Variants in PLPP7 observed in about 807,000 individuals in gnomAD.
The protein encoded by PLPP7 is phospholipid phosphatase 7 (inactive).
PLPP7 carries 11 observed loss-of-function variants against 16.9 expected under a neutral mutation model. The ratio of observed to expected loss-of-function variants is 0.65; its 90% CI spans 0.41 to 1.08. The LOEUF is 1.08. Ranked by LOEUF, PLPP7 falls within the 50% of genes least tolerant of loss-of-function variation. PLPP7 has a pLI of 0.00. For synonymous variants in PLPP7, 174 were observed against 175.1 expected (o/e 0.99, Z 0.05); for missense variants, 358 against 397.1 (o/e 0.90, Z 0.84).
chr9:131,297,893 A>C lies in PLPP7; in HGVS notation c.451+7445A>C, dbSNP rs144196346. On this transcript the variant is annotated intron_variant, in intron 1 of 1. Transcript: ENST00000372264. The stretch of plus-strand genomic sequence containing the variant: ...CTTACATACATATCTTATTTTATGA[A>C]GATGGCATCCTACTGGAAATCCTAT... 2.2e-3 allele frequency among the ~76,000 whole-genome samples: 333 copies of C among 152,248 alleles called. 1 individual carries two copies. The highest frequency in any genetic ancestry group is 7.7e-3 in the African/African-American group (321 of 41,514).
chr9:131,290,094 C>A lies in PLPP7; in HGVS notation c.97C>A (p.Pro33Thr). The change falls in exon 1 of 2, where the codon CCG becomes ACG. Residue 33 changes from proline (P) to threonine (T), a missense_variant. Physicochemically the swap from Pro to Thr is conservative, Grantham distance 38. Transcript: ENST00000372264. This position sits in a 1 kb window ranked among gnomAD's most constrained non-coding sequence, Gnocchi z 4.2. ...CCTGAACCAGCCCCCCAAGGGGGGC[C>A]CGGAGCCCCGCAGCTCGGGCAGAAA... The part of the protein sequence containing the change: ...LSLNQPPKGG[P>T]EPRSSGRKAS... The A allele has an allele frequency of 2.0e-6, 3 of 1,517,862 alleles. No individual in the cohort carries two copies. The highest frequency in any genetic ancestry group is 1.3e-5 in the South Asian group (1 of 76,720). The allele number at this position is 1,517,862 out of a possible 1,614,324, so 94.0% of individuals were successfully genotyped here. A position where few individuals can be genotyped will look rare whatever the true frequency, so the allele number is the denominator to read the frequency against.
At chr9:131,294,165 G>A (rs1404952333) in intron 1 of PLPP7, among the ~76,000 whole-genome samples, 2 of 152,158 alleles carry the variant, frequency 1.3e-5, no homozygotes, top group African/African-American at 4.8e-5. Context: ...GCCAGAAGGG[G>A]TCTTAGCAGC....
chr9:131,305,125 C>T (rs1835839598), intron 1 of PLPP7, among the ~76,000 whole-genome samples: 1 of 152,226 alleles, frequency 6.6e-6, no homozygotes, highest in African/African-American at 2.4e-5. Context: ...ACCAGCGACT[C>T]CAGTCCTAGG....
intron 1 of PLPP7, among the ~76,000 whole-genome samples, chr9:131,294,602 A>G (rs1229261060): frequency 6.6e-6 from 1 of 152,146 alleles, no homozygotes; most frequent in Non-Finnish European, 1.5e-5. Flanking sequence ...CTGTGGTGGG[A>G]AATGCCTCTG....
chr9:131,294,389 A>G (rs1386313830), intron 1 of PLPP7, among the ~76,000 whole-genome samples: 1 of 152,216 alleles, frequency 6.6e-6, no homozygotes, highest in Non-Finnish European at 1.5e-5. Flanking sequence ...CATCATCATT[A>G]TCACCGTCAT....
intron 1 of PLPP7, among the ~76,000 whole-genome samples, chr9:131,296,763 C>G (rs1588208239): frequency 6.6e-6 from 1 of 152,316 alleles, no homozygotes; most frequent in African/African-American, 2.4e-5. Context: ...AGCTGTGGCC[C>G]TCCCACCTGG....
intron 1 of PLPP7, among the ~76,000 whole-genome samples, chr9:131,294,359 G>T (rs941667249): frequency 2.0e-5 from 3 of 152,154 alleles, no homozygotes; most frequent in African/African-American, 7.2e-5. Flanking sequence ...GTTGGTTAAC[G>T]GTTAAGTAGC....
Position 131,308,443 on chromosome 9 carries a change from C to A in PLPP7, c.*156C>A. 8.4e-7 allele frequency: 1 copy of A among 1,192,006 alleles called. No individual in the cohort carries two copies. Among genetic ancestry groups the A allele is most frequent in the Non-Finnish European group, 1.1e-6 (1 of 878,596 alleles). 73.8% of individuals were successfully genotyped at this position (1,192,006 alleles called of 1,614,324 possible). ...CCCCTCCTGGCTGGAGGCTGGCGAA[C>A]CCAGGCCACCCCTCCCGGAGACAAG... On this transcript the variant is annotated 3_prime_UTR_variant, in exon 2 of 2. Transcript: ENST00000372264.
Position 131,289,990 on chromosome 9 carries a change from A to G in PLPP7, c.-8A>G. 1 of 1,431,376 alleles carries G rather than the reference A, an allele frequency of 7.0e-7. No individual in the cohort carries two copies. The highest frequency in any genetic ancestry group is 9.1e-7 in the Non-Finnish European group (1 of 1,097,454). The allele number at this position is 1,431,376 out of a possible 1,614,324, so 88.7% of individuals were successfully genotyped here. A position where few individuals can be genotyped will look rare whatever the true frequency, so the allele number is the denominator to read the frequency against. Reference sequence around the variant, plus strand: ...GGCATCGGCCTTCTCGGGGTGAGCGAGGTCACCATGCCAGCTTCCCAGAGC... The same window carrying G: ...GGCATCGGCCTTCTCGGGGTGAGCGGGGTCACCATGCCAGCTTCCCAGAGC... On this transcript the variant is annotated 5_prime_UTR_variant, in exon 1 of 2. Coordinates refer to ENST00000372264, the MANE Select transcript of PLPP7 (RefSeq NM_032728.4).
intron 1 of PLPP7, among the ~76,000 whole-genome samples, chr9:131,303,817 G>A (rs1046609273): frequency 5.9e-5 from 9 of 152,128 alleles, no homozygotes; most frequent in African/African-American, 1.9e-4. Context: ...CCTGAGCTTC[G>A]TCTCACAGGT....
chr9:131,305,288 G>A lies in PLPP7; in HGVS notation c.452-2635G>A, dbSNP rs568395339. On this transcript the variant is annotated intron_variant, in intron 1 of 1. Coordinates refer to ENST00000372264, the MANE Select transcript of PLPP7 (RefSeq NM_032728.4). ...ATTGTGGCCGGGCACAGTGGCTCAC[G>A]CCTGGAATCCCAGCACTTTGGGAGG... 7.2e-3 allele frequency among the ~76,000 whole-genome samples: 1,099 copies of A among 152,294 alleles called. 5 individuals carry two copies. Among genetic ancestry groups the A allele is most frequent in the Non-Finnish European group, 0.012 (841 of 68,012 alleles).
At chr9:131,294,793 G>A (rs1194800367) in intron 1 of PLPP7, among the ~76,000 whole-genome samples, 4 of 151,292 alleles carry the variant, frequency 2.6e-5, no homozygotes, top group Admixed American at 6.6e-5. Context: ...ACATGGTTTC[G>A]TTATGTTGGC....
In PLPP7 at chr9:131,308,112, T is replaced by G. The variant is rs1439895136; in HGVS notation, c.641T>G (p.Leu214Arg). Residue 214 changes from leucine to arginine, a missense_variant, in exon 2 of 2, where the codon CTG (leucine) becomes CGG (arginine). Leu to Arg is a moderately radical substitution (Grantham distance 102). Coordinates refer to ENST00000372264, the MANE Select transcript of PLPP7 (RefSeq NM_032728.4). ...AGCCACCTGGTGCTGGCGGTGCCCC[T>G]GCGTGTGCTGCTGGTGCTCTGGGCC... ...FLSHLVLAVP[L>R]RVLLVLWALC... 3 of 1,601,230 alleles carry G rather than the reference T, an allele frequency of 1.9e-6. No individual in the cohort carries two copies. The highest frequency in any genetic ancestry group is 2.7e-5 in the African/African-American group (2 of 74,936).
At chr9:131,296,208 G>A (rs1409463506) in intron 1 of PLPP7, among the ~76,000 whole-genome samples, 3 of 152,052 alleles carry the variant, frequency 2.0e-5, no homozygotes, top group African/African-American at 7.2e-5. Flanking sequence ...GGTATGAGGT[G>A]GTATCTCTTG....
At chr9:131,293,894 G>T (rs563867555) in intron 1 of PLPP7, among the ~76,000 whole-genome samples, 5 of 152,160 alleles carry the variant, frequency 3.3e-5, no homozygotes, top group Non-Finnish European at 7.4e-5. Context: ...CTCTGGCCCC[G>T]TGGCACTCAG....
At position 131,290,975 on chromosome 9, in the gene PLPP7, C is replaced by T. The variant is rs1835668387; in HGVS notation, c.451+527C>T. 3 of 1,014,266 alleles carry T rather than the reference C, an allele frequency of 3.0e-6. No homozygotes were observed. Among genetic ancestry groups the T allele is most frequent in the Non-Finnish European group, 4.2e-6 (3 of 710,006 alleles). 62.8% of individuals were successfully genotyped at this position (1,014,266 alleles called of 1,614,324 possible). On this transcript the variant is annotated intron_variant, in intron 1 of 1. Transcript: ENST00000372264. This position sits in a 1 kb window ranked among gnomAD's most constrained non-coding sequence, Gnocchi z 4.2. ...CAGGGTCTGGGGACCCAGGGAGTTC[C>T]CCTGGGACTGCCACCCACTCACAGC...
At chr9:131,303,808 C>T (rs1835824893) in intron 1 of PLPP7, among the ~76,000 whole-genome samples, 1 of 152,130 alleles carries the variant, frequency 6.6e-6, no homozygotes, top group Non-Finnish European at 1.5e-5. Flanking sequence ...GTGGGTGTCC[C>T]TGAGCTTCGT....
chr9:131,307,293 T>C (rs1835864160), intron 1 of PLPP7, among the ~76,000 whole-genome samples: 1 of 149,164 alleles, frequency 6.7e-6, no homozygotes, highest in African/African-American at 2.5e-5. Flanking sequence ...GGCTCATACC[T>C]GTAATCCCAG....
chr9:131,290,111 G>A lies in PLPP7; in HGVS notation c.114G>A (p.Ser38=), dbSNP rs151095002. Residue 38 remains serine (S), a synonymous_variant, in exon 1 of 2, where the codon TCG becomes TCA. Coordinates refer to ENST00000372264, the MANE Select transcript of PLPP7 (RefSeq NM_032728.4). The surrounding 1 kb of genome is among the most constrained non-coding windows in gnomAD (Gnocchi z 4.2). ...PPKGGPEPRS[S]GRKASGPSAQ... is the part of the protein sequence containing the mutation. Reference sequence around the variant, plus strand: ...AGGGGGGCCCGGAGCCCCGCAGCTCGGGCAGAAAGGCCTCGGGCCCATCAG... The same window carrying A: ...AGGGGGGCCCGGAGCCCCGCAGCTCAGGCAGAAAGGCCTCGGGCCCATCAG... 1,102 of 1,530,562 alleles carry A rather than the reference G, an allele frequency of 7.2e-4. 9 individuals carry two copies. Among genetic ancestry groups the A allele is most frequent in the South Asian group, 7.0e-3 (549 of 78,920 alleles). 94.8% of individuals were successfully genotyped at this position (1,530,562 alleles called of 1,614,324 possible). A position where few individuals can be genotyped will look rare whatever the true frequency, so the allele number is the denominator to read the frequency against.
Sources: allele counts gnomAD v4.1 joint callset (sites outside exome capture counted in the v4.1 genomes callset), GRCh38; gene constraint gnomAD v4.1.1; non-coding constraint Gnocchi (gnomAD v3.1); transcripts MANE v1.5; gene names NCBI Gene and HGNC (gene_info 2026-07-23, HGNC 2026-07-21).